The following ANAPC4 variants were observed in gnomAD, a reference collection of about 807,000 sequenced individuals.
The protein encoded by ANAPC4 is anaphase promoting complex subunit 4, also known as anaphase-promoting complex subunit 4.
A neutral mutation model predicts 119.8 loss-of-function variants in ANAPC4; 63 were observed. The observed-to-expected ratio is 0.53, with a 90% CI of 0.43 to 0.65. The LOEUF is 0.65. Among genes scored for constraint, ANAPC4 ranks in the 30% least tolerant of loss-of-function variants. The probability of loss-of-function intolerance (pLI) is 0.00; values close to 1 mark genes in which losing one functional copy is unlikely to be tolerated. For synonymous variants in ANAPC4, 283 were observed against 318.6 expected (o/e 0.89, Z 1.19); for missense variants, 716 against 945.1 (o/e 0.76, Z 3.18).
rs1279912566 is a variant in ANAPC4, at chr4:25,390,134, A to G, written c.516-2A>G. ...TCAGCTTGTTGCATTGTTTTTAATT[A>G]GGCTTAATATTCTCGTCCTTGGAGG... On this transcript the variant is annotated splice_acceptor_variant, in intron 7 of 28. Transcript: ENST00000315368. LOFTEE classifies it high-confidence loss of function. The G allele has an allele frequency of 1.2e-6, 2 of 1,606,628 alleles. No homozygotes were observed. The highest frequency in any genetic ancestry group is 1.1e-5 in the South Asian group (1 of 90,294).
intron 25 of ANAPC4, chr4:25,415,028 T>C (rs552592720): frequency 7.1e-4 from 128 of 180,846 alleles, no homozygotes; most frequent in Non-Finnish European, 4.1e-4. Flanking sequence ...GTTTTAACTT[T>C]TTAGAAGTTA....
At chr4:25,396,802 A>C (rs1369076981) in intron 15 of ANAPC4, 38 bp downstream of exon 15, 2 of 1,608,820 alleles carry the variant, frequency 1.2e-6, no homozygotes, top group Non-Finnish European at 1.7e-6. Context: ...CATTAAACAC[A>C]GTTTACTTAT....
intron 4 of ANAPC4, among the ~76,000 whole-genome samples, chr4:25,384,782 GA>G (rs1425803406): frequency 6.8e-6 from 1 of 147,764 alleles, no homozygotes; most frequent in Non-Finnish European, 1.5e-5. Context: ...CAACCTGGGT[GA>G]CAGAGTGACC....
In ANAPC4 at chr4:25,417,813, A is replaced by G. The variant is rs1231142186; in HGVS notation, c.2199+74A>G. ...GTTGCTTCTTTGGAACCTTCATCAA[A>G]TACATGATATATAAGGTCCTTTTGT... On this transcript the variant is annotated intron_variant, in intron 28 of 28. Transcript: ENST00000315368. 2.0e-6 allele frequency: 3 copies of G among 1,529,006 alleles called. No individual in the cohort carries two copies. In the Admixed American group the frequency reaches 6.3e-5, roughly 32 times the overall value. The allele number at this position is 1,529,006 out of a possible 1,614,324, so 94.7% of individuals were successfully genotyped here. A position where few individuals can be genotyped will look rare whatever the true frequency, so the allele number is the denominator to read the frequency against.
chr4:25,387,671 C>T lies in ANAPC4; in HGVS notation c.369-829C>T, dbSNP rs141327174. Among the ~76,000 whole-genome samples, 27 of 127,062 alleles carry T rather than the reference C, an allele frequency of 2.1e-4. No individual in the cohort carries two copies. In the East Asian group the frequency reaches 5.0e-3, roughly 23 times the overall value. 83.4% of individuals were successfully genotyped at this position (127,062 alleles called of 152,430 possible). A position where few individuals can be genotyped will look rare whatever the true frequency, so the allele number is the denominator to read the frequency against. On this transcript the variant is annotated intron_variant, in intron 4 of 28. Coordinates refer to ENST00000315368, the MANE Select transcript of ANAPC4 (RefSeq NM_013367.3). ...TTATTAAAGTAGGAAAAAATACTTG[C>T]TAAATCACCACTTTTTTACTTGCTT...
chr4:25,389,227 C>T (rs533355689), intron 7 of ANAPC4, among the ~76,000 whole-genome samples: 6 of 148,578 alleles, frequency 4.0e-5, no homozygotes, highest in East Asian at 4.0e-4. Flanking sequence ...GGCGTTATCT[C>T]GGCTCACTGC....
intron 27 of ANAPC4, 176 bp downstream of exon 27, chr4:25,416,774 C>CT (rs1723903031): frequency 1.2e-5 from 5 of 424,538 alleles, no homozygotes; most frequent in South Asian, 9.0e-5. Context: ...GCCTTAATAG[C>CT]TTTTTTTGTC....
At position 25,406,833 on chromosome 4, in the gene ANAPC4, C is replaced by G; in HGVS notation, c.1322C>G (p.Thr441Ser). ...TTTTGTTCCTTTTGTTGATAGATGA[C>G]TCAGAAAGATATCACATTTGTTGCT... ...DHVLPELNKM[T>S]QKDITFVAEF... Residue 441 changes from threonine to serine, a missense_variant, in exon 19 of 29, where the codon ACT becomes AGT. Physicochemically the swap from Thr to Ser is moderately conservative, Grantham distance 58. This residue lies in a region of ANAPC4 where 504 missense variants were observed against 615.8 expected (regional missense o/e 0.82). Coordinates refer to ENST00000315368, the MANE Select transcript of ANAPC4 (RefSeq NM_013367.3). 2 of 1,600,366 alleles carry G rather than the reference C, an allele frequency of 1.2e-6. No individual in the cohort carries two copies. The highest frequency in any genetic ancestry group is 1.7e-6 in the Non-Finnish European group (2 of 1,174,192).
chr4:25,400,955 G>A (rs1465575966), intron 16 of ANAPC4, among the ~76,000 whole-genome samples: 1 of 152,086 alleles, frequency 6.6e-6, no homozygotes, highest in Non-Finnish European at 1.5e-5. Flanking sequence ...GTGAACTTTG[G>A]AGTAAATGTC....
intron 15 of ANAPC4, 31 bp downstream of exon 15, chr4:25,396,795 T>A: frequency 6.2e-7 from 1 of 1,609,472 alleles, no homozygotes; most frequent in Non-Finnish European, 8.5e-7. Flanking sequence ...TGAAATACAT[T>A]AAACACAGTT....
rs774015422 is a variant in ANAPC4, at chr4:25,388,704, T to G, written c.444-13T>G. The G allele has an allele frequency of 1.2e-6, 2 of 1,602,036 alleles. No homozygotes were observed. Among genetic ancestry groups the G allele is most frequent in the Non-Finnish European group, 1.7e-6 (2 of 1,173,460 alleles). On this transcript the variant is annotated splice_polypyrimidine_tract_variant and intron_variant, in intron 5 of 28. Coordinates refer to ENST00000315368, the MANE Select transcript of ANAPC4 (RefSeq NM_013367.3). ...TAAGAGTATTTTTTACCTTAATCTC[T>G]GTTTCCTTCTAGCTATAGCAACACC...
At chr4:25,394,782 T>C in intron 13 of ANAPC4, 47 bp from the exon 14 acceptor site, 3 of 1,595,820 alleles carry the variant, frequency 1.9e-6, no homozygotes, top group South Asian at 1.1e-5. Context: ...TCGAGTGGCA[T>C]ATAATATCCT....
chr4:25,417,964 G>T, intron 28 of ANAPC4, 191 bp from the exon 29 acceptor site: 2 of 841,278 alleles, frequency 2.4e-6, no homozygotes, highest in African/African-American at 3.4e-5. Flanking sequence ...TTAATCTCAC[G>T]AAATTGCCAC....
intron 2 of ANAPC4, among the ~76,000 whole-genome samples, chr4:25,378,209 T>A (rs1240225203): frequency 1.3e-5 from 2 of 152,238 alleles, no homozygotes; most frequent in African/African-American, 4.8e-5. Context: ...AAACCAGTTG[T>A]ACCCAACTTT....
chr4:25,399,927 G>A (rs943309655), intron 16 of ANAPC4, among the ~76,000 whole-genome samples: 3 of 152,194 alleles, frequency 2.0e-5, no homozygotes, highest in African/African-American at 4.8e-5. Flanking sequence ...TGCAGGCTGA[G>A]TGAAGAAGGC....
In ANAPC4 at chr4:25,415,553, T is replaced by A. The variant is rs368521836; in HGVS notation, c.1901+13T>A. Reference sequence around the variant, plus strand: ...AAGTCAGAAGAAGGTAAGTCTTGAATCTTGTTTGGATGAAATGTAGATACA... The same window carrying A: ...AAGTCAGAAGAAGGTAAGTCTTGAAACTTGTTTGGATGAAATGTAGATACA... On this transcript the variant is annotated intron_variant, in intron 26 of 28. Transcript: ENST00000315368. 1.1e-5 allele frequency: 18 copies of A among 1,607,864 alleles called. No individual in the cohort carries two copies. The highest frequency in any genetic ancestry group is 8.4e-5 in the Admixed American group (5 of 59,742).
chr4:25,378,699 A>G (rs1341046424), intron 2 of ANAPC4, among the ~76,000 whole-genome samples: 1 of 152,242 alleles, frequency 6.6e-6, no homozygotes, highest in East Asian at 1.9e-4. Context: ...AAGAGGTATG[A>G]AAAAGCTAAC....
chr4:25,413,892 T>C, intron 22 of ANAPC4, 150 bp downstream of exon 22: 1 of 631,720 alleles, frequency 1.6e-6, no homozygotes, highest in East Asian at 2.8e-5. Flanking sequence ...CAATTTCATA[T>C]GGTTCAACCT....
intron 16 of ANAPC4, among the ~76,000 whole-genome samples, chr4:25,397,801 T>C (rs1466820037): frequency 1.3e-5 from 2 of 152,080 alleles, no homozygotes; most frequent in East Asian, 1.9e-4. Flanking sequence ...ATTCTTGATA[T>C]GTTGAAATTT....
Sources: allele counts gnomAD v4.1 joint callset (sites outside exome capture counted in the v4.1 genomes callset), GRCh38; gene constraint gnomAD v4.1.1; regional missense constraint gnomAD v4.1.1; transcripts MANE v1.5; gene names NCBI Gene and HGNC (gene_info 2026-07-23, HGNC 2026-07-21).